The following TBC1D12 variants were observed in gnomAD, a reference collection of about 807,000 sequenced individuals.
TBC1D12 encodes TBC1 domain family, member 12.
Under a neutral mutation model 86.7 loss-of-function variants are expected in TBC1D12, and 56 were observed. The observed-to-expected ratio is 0.65, with a 90% CI of 0.52 to 0.81. TBC1D12 has a LOEUF of 0.81. Ranked by LOEUF, TBC1D12 falls within the 30% of genes least tolerant of loss-of-function variation. The pLI, the probability that TBC1D12 is intolerant of heterozygous loss-of-function variation, is 0.00. For synonymous variants in TBC1D12, 421 were observed against 411.7 expected (o/e 1.02, Z -0.27); for missense variants, 1,023 against 1,038.8 (o/e 0.98, Z 0.21).
At chr10:94,432,785 T>A (rs2134078245) in intron 1 of TBC1D12, among the ~76,000 whole-genome samples, 1 of 151,848 alleles carries the variant, frequency 6.6e-6, no homozygotes, top group South Asian at 2.1e-4. Flanking sequence ...TTGGAGGTTT[T>A]TTTTTTTCCT....
chr10:94,436,373 A>T (rs1356089530), intron 1 of TBC1D12, among the ~76,000 whole-genome samples: 1 of 151,958 alleles, frequency 6.6e-6, no homozygotes, highest in Non-Finnish European at 1.5e-5. Flanking sequence ...TGACCTCATG[A>T]TCCACCTGCC....
chr10:94,509,765 T>C (rs1393104045), intron 7 of TBC1D12: 1 of 276,964 alleles, frequency 3.6e-6, no homozygotes, highest in African/African-American at 2.3e-5. Flanking sequence ...TCTCTCTGTG[T>C]CCATAGCTCT....
intron 2 of TBC1D12, among the ~76,000 whole-genome samples, chr10:94,450,328 T>C (rs1259198808): frequency 6.6e-6 from 1 of 151,970 alleles, no homozygotes; most frequent in African/African-American, 2.4e-5. Context: ...AAAGAGTGAT[T>C]TATTTTTCTC....
At chr10:94,480,512 C>T (rs1221048304) in intron 3 of TBC1D12, among the ~76,000 whole-genome samples, 2 of 151,984 alleles carry the variant, frequency 1.3e-5, no homozygotes, top group Admixed American at 6.6e-5. Context: ...ATTCTGATTG[C>T]GGCTTTGACT....
At chr10:94,424,645 A>G (rs751638320) in intron 1 of TBC1D12, among the ~76,000 whole-genome samples, 1 of 152,214 alleles carries the variant, frequency 6.6e-6, no homozygotes, top group Non-Finnish European at 1.5e-5. Flanking sequence ...ATAGCCCTTC[A>G]GCAACAGAAA....
chr10:94,488,240 T>C (rs1168919349), intron 3 of TBC1D12, among the ~76,000 whole-genome samples: 2 of 151,266 alleles, frequency 1.3e-5, no homozygotes, highest in East Asian at 4.0e-4. Context: ...ATACAAAAAT[T>C]AGCCGGGTAT....
intron 5 of TBC1D12, among the ~76,000 whole-genome samples, chr10:94,498,869 A>T (rs564650075): frequency 4.6e-5 from 7 of 151,966 alleles, no homozygotes; most frequent in Admixed American, 3.9e-4. Context: ...CCCTGGGCTC[A>T]GGTGATCCTC....
chr10:94,456,266 T>C (rs769063717), intron 2 of TBC1D12, among the ~76,000 whole-genome samples: 2 of 152,202 alleles, frequency 1.3e-5, no homozygotes, highest in African/African-American at 2.4e-5. Flanking sequence ...GCTTAGATGA[T>C]TGATTTTAGA....
intron 1 of TBC1D12, among the ~76,000 whole-genome samples, chr10:94,426,853 G>C (rs1428900109): frequency 6.6e-6 from 1 of 152,146 alleles, no homozygotes; most frequent in Non-Finnish European, 1.5e-5. Flanking sequence ...TGGGATTACA[G>C]GTGTGAGCCA....
At chr10:94,525,207 C>G (rs2134229662) in intron 11 of TBC1D12, among the ~76,000 whole-genome samples, 2 of 152,138 alleles carry the variant, frequency 1.3e-5, no homozygotes, top group African/African-American at 4.8e-5. Context: ...GGAAGTAATC[C>G]AAATTCATCA....
At chr10:94,511,778 T>C in intron 9 of TBC1D12, 124 bp downstream of exon 9, 1 of 718,082 alleles carries the variant, frequency 1.4e-6, no homozygotes. Context: ...CTTAGGCTTA[T>C]CAATTTACCC....
intron 2 of TBC1D12, among the ~76,000 whole-genome samples, chr10:94,463,372 C>G (rs949450677): frequency 3.9e-5 from 6 of 152,190 alleles, no homozygotes; most frequent in Admixed American, 1.3e-4. Flanking sequence ...GGTTGGAACT[C>G]TGCAGAGTCC....
chr10:94,487,487 T>A (rs1232168601), intron 3 of TBC1D12, among the ~76,000 whole-genome samples: 1 of 151,958 alleles, frequency 6.6e-6, no homozygotes, highest in African/African-American at 2.4e-5. Context: ...ATATTTTTTT[T>A]ATTTGAGGTT....
At chr10:94,465,676 G>A (rs1198845811) in intron 2 of TBC1D12, among the ~76,000 whole-genome samples, 21 of 100,508 alleles carry the variant, frequency 2.1e-4, no homozygotes, top group African/African-American at 3.6e-4. Flanking sequence ...ATATATGTGT[G>A]TGTGTGTGTG....
At chr10:94,403,813 G>A (rs1043674826) in intron 1 of TBC1D12, among the ~76,000 whole-genome samples, 1 of 152,206 alleles carries the variant, frequency 6.6e-6, no homozygotes, top group Non-Finnish European at 1.5e-5. Flanking sequence ...TGGACAGCGA[G>A]TCTTTCTGTT....
At chr10:94,489,105 G>T (rs1023574674) in intron 3 of TBC1D12, among the ~76,000 whole-genome samples, 8 of 152,156 alleles carry the variant, frequency 5.3e-5, no homozygotes, top group African/African-American at 1.9e-4. Flanking sequence ...TTGTGTCCTA[G>T]ACTGTCTTTC....
chr10:94,488,119 C>T (rs2056195206), intron 3 of TBC1D12, among the ~76,000 whole-genome samples: 1 of 152,060 alleles, frequency 6.6e-6, no homozygotes, highest in African/African-American at 2.4e-5. Context: ...GGCACAGTGG[C>T]TTACGACTGT....
At chr10:94,515,117 C>T (rs905637585) in intron 9 of TBC1D12, among the ~76,000 whole-genome samples, 38 of 150,882 alleles carry the variant, frequency 2.5e-4, no homozygotes, top group Non-Finnish European at 4.6e-4. Context: ...CCGTTTTAGC[C>T]GGGATGGTCT....
chr10:94,473,121 C>T (rs1376765132), intron 2 of TBC1D12, among the ~76,000 whole-genome samples: 1 of 151,616 alleles, frequency 6.6e-6, no homozygotes, highest in African/African-American at 2.4e-5. Context: ...TTGGGAGTTT[C>T]AGGTGGGCGG....
Sources: allele counts gnomAD v4.1 joint callset (sites outside exome capture counted in the v4.1 genomes callset), GRCh38; gene constraint gnomAD v4.1.1; transcripts MANE v1.5; gene names NCBI Gene and HGNC (gene_info 2026-07-23, HGNC 2026-07-21).